Variants in CPLANE1 observed in about 807,000 individuals in gnomAD.
CPLANE1 encodes ciliogenesis and planar polarity effector 1.
Under a neutral mutation model 362.5 loss-of-function variants are expected in CPLANE1, and 263 were observed. That is an observed-to-expected ratio of 0.73 (90% CI 0.66 to 0.80). The LOEUF (loss-of-function observed/expected upper bound fraction) is 0.80. Ranked by LOEUF, CPLANE1 falls within the 30% of genes least tolerant of loss-of-function variation. CPLANE1 has a pLI of 0.00. For synonymous variants in CPLANE1, 1,212 were observed against 1,302.6 expected (o/e 0.93, Z 1.50); for missense variants, 3,461 against 3,793.4 (o/e 0.91, Z 2.30).
At chr5:37,085,188 A>G in the CPLANE1 span, 1 of 823,716 alleles carries the variant, frequency 1.2e-6, no homozygotes, top group South Asian at 1.3e-5. Flanking sequence ...TCTCCCCCTC[A>G]TCATTTTCCT....
intron 44 of CPLANE1, chr5:37,141,246 G>A (rs1769620287): frequency 2.0e-6 from 2 of 985,076 alleles, no homozygotes; most frequent in Non-Finnish European, 2.4e-6. Context: ...ATTCTCCCAT[G>A]TTCCCAAGGA....
rs568787149 is a variant in CPLANE1, at chr5:37,177,808, C to T, written c.5821-108G>A. 118 of 797,672 alleles carry T rather than the reference C, an allele frequency of 1.5e-4. No individual in the cohort carries two copies. In the East Asian group the frequency reaches 2.9e-3, roughly 20 times the overall value. The allele number at this position is 797,672 out of a possible 1,614,324, so 49.4% of individuals were successfully genotyped here. ...GCCACTTAACCAGAGTAACAACAGT[C>T]TACAAGCAAGTGAGAAATCAAACAG... On this transcript the variant is annotated intron_variant, in intron 29 of 52. Transcript: ENST00000651892.
Position 37,157,958 on chromosome 5 carries a change from A to AT in CPLANE1, c.7813-91_7813-90insA, listed in dbSNP as rs779504612. On this transcript the variant is annotated intron_variant, in intron 39 of 52. Coordinates refer to ENST00000651892, the MANE Select transcript of CPLANE1 (RefSeq NM_001384732.1). ...AAAAAAAAAAAAAAAAAAAAAAAAA[A>AT]GGCTTAATTCTTCATTCTTATTAAA... 2.5e-3 allele frequency: 1,914 copies of AT among 762,454 alleles called. 26 individuals carry two copies. The highest frequency in any genetic ancestry group is 5.6e-3 in the Admixed American group (155 of 27,760). 47.2% of individuals were successfully genotyped at this position (762,454 alleles called of 1,614,324 possible).
intron 32 of CPLANE1, among the ~76,000 whole-genome samples, chr5:37,172,406 A>G (rs1780052694): frequency 6.6e-6 from 1 of 152,212 alleles, no homozygotes; most frequent in Non-Finnish European, 1.5e-5. Flanking sequence ...AAAGAAGGCA[A>G]AGATGACTTT....
rs1286291749 is a variant in CPLANE1 at position 37,230,885 on chromosome 5, T to C, written c.1103A>G (p.His368Arg). The C allele has an allele frequency of 2.0e-6, 3 of 1,537,580 alleles. No individual in the cohort carries two copies. The highest frequency in any genetic ancestry group is 2.5e-5 in the East Asian group (1 of 40,508). Residue 368 changes from histidine to arginine, a missense_variant, in exon 9 of 53, where the codon CAT becomes CGT. By Grantham distance (29) the His-to-Arg change is conservative. Transcript: ENST00000651892. ...GTCTCACCTATACGTTATTAGTGGA[T>C]GAAGAGGAATAAATTCTGCTGGGCC... ...EFGPAEFIPL[H>R]PLITYRPQQF... is the part of the protein sequence containing the mutation.
chr5:37,129,764 G>A (rs977202260), intron 46 of CPLANE1, among the ~76,000 whole-genome samples: 3 of 152,310 alleles, frequency 2.0e-5, no homozygotes, highest in Admixed American at 2.0e-4. Context: ...CAGGGATGCG[G>A]TTAAAAGGGA....
intron 11 of CPLANE1, 42 bp downstream of exon 11, chr5:37,227,201 G>C: frequency 6.5e-7 from 1 of 1,538,766 alleles, no homozygotes; most frequent in Non-Finnish European, 8.8e-7. Flanking sequence ...TTGGAATAAA[G>C]TCATAATTGT....
chr5:37,179,227 T>G, intron 29 of CPLANE1, 134 bp downstream of exon 29: 1 of 632,284 alleles, frequency 1.6e-6, no homozygotes, highest in South Asian at 2.2e-5. Context: ...ATGGCTATAT[T>G]CTACAACCCA....
intron 15 of CPLANE1, among the ~76,000 whole-genome samples, chr5:37,217,406 G>T (rs1450414384): frequency 1.3e-5 from 2 of 150,348 alleles, no homozygotes; most frequent in East Asian, 2.0e-4. Context: ...AGGAGTTAGA[G>T]ACCAGCCTGG....
At chr5:37,077,178 TG>T in the CPLANE1 span, among the ~76,000 whole-genome samples, 2 of 152,158 alleles carry the variant, frequency 1.3e-5, no homozygotes, top group African/African-American at 4.8e-5. Context: ...AGGAATTCTT[TG>T]CAGAAGTTTG....
intron 49 of CPLANE1, 40 bp downstream of exon 49, chr5:37,121,577 G>T: frequency 6.3e-7 from 1 of 1,590,830 alleles, no homozygotes; most frequent in Non-Finnish European, 8.6e-7. Context: ...TATCAGGCCT[G>T]ACGTTATCTT....
At chr5:37,154,459 C>CTTT (rs35522666) in intron 41 of CPLANE1, among the ~76,000 whole-genome samples, 12 of 84,566 alleles carry the variant, frequency 1.4e-4, no homozygotes, top group African/African-American at 4.5e-4. Context: ...TGCAATAGTT[C>CTTT]TTTTTTTTTT....
intron 26 of CPLANE1, among the ~76,000 whole-genome samples, chr5:37,181,480 T>C (rs747253087): frequency 9.2e-5 from 14 of 152,096 alleles, no homozygotes; most frequent in Non-Finnish European, 1.9e-4. Context: ...TATCACAGTA[T>C]CATATAAACT....
Position 37,171,782 on chromosome 5 carries a change from C to CTA in CPLANE1, c.6172-1452_6172-1451insTA, listed in dbSNP as rs1554076867. Among the ~76,000 whole-genome samples the CTA allele has an allele frequency of 1.9e-3, 281 of 144,544 alleles. 3 individuals are homozygous for CTA. Among genetic ancestry groups the CTA allele is most frequent in the Non-Finnish European group, 1.9e-3 (127 of 66,910 alleles). The allele number at this position is 144,544 out of a possible 152,430, so 94.8% of individuals were successfully genotyped here. ...TCTCTCTCTCTCTCTCTCTCTCTCTCTCTATCTATCTATTCTATCTAAAAG... is the reference window on the plus strand; with the variant it reads ...TCTCTCTCTCTCTCTCTCTCTCTCTCTATCTATCTATCTATTCTATCTAAAAG... On this transcript the variant is annotated intron_variant, in intron 32 of 52. Transcript: ENST00000651892.
chr5:37,165,811 T>C, intron 35 of CPLANE1, 140 bp from the exon 36 acceptor site: 1 of 778,298 alleles, frequency 1.3e-6, no homozygotes, highest in South Asian at 2.0e-5. Context: ...ATTGGCAAGA[T>C]ATTCTGCAAA....
the CPLANE1 span, among the ~76,000 whole-genome samples, chr5:37,097,173 AC>A: frequency 6.6e-6 from 1 of 152,066 alleles, no homozygotes; most frequent in Non-Finnish European, 1.5e-5. Context: ...ACATAGCAAG[AC>A]CCCATCTCGT....
chr5:37,087,360 C>G, the CPLANE1 span, among the ~76,000 whole-genome samples: 1 of 152,200 alleles, frequency 6.6e-6, no homozygotes, highest in African/African-American at 2.4e-5. Flanking sequence ...CCTTTTCCCT[C>G]AGCCCCACCA....
Position 37,226,607 on chromosome 5 carries a change from A to G in CPLANE1, c.1988T>C (p.Leu663Pro). The G allele has an allele frequency of 6.4e-7, 1 of 1,551,488 alleles. No individual in the cohort carries two copies. The highest frequency in any genetic ancestry group is 1.4e-5 in the African/African-American group (1 of 73,186). ...YKQDVGHLIK[L>P]TSNTVKLLLT... ...CAAAAGTTTTACAGTATTTGAGGTCAGCTTTATCAAATGCCCCACATCTTG... is the reference window on the plus strand; with the variant it reads ...CAAAAGTTTTACAGTATTTGAGGTCGGCTTTATCAAATGCCCCACATCTTG... The change falls in exon 12 of 53, where the codon CTG (leucine) becomes CCG (proline). Residue 663 changes from leucine to proline, a missense_variant. Physicochemically the swap from Leu to Pro is moderately conservative, Grantham distance 98 (BLOSUM62 -3). Around this residue, in one of 2 missense-constraint regions of CPLANE1, gnomAD observed 3,380 missense variants for 3,666.1 expected, o/e 0.92. Coordinates refer to ENST00000651892, the MANE Select transcript of CPLANE1 (RefSeq NM_001384732.1).
rs369518590 is a variant in CPLANE1, at chr5:37,120,244, C to T, written c.9282G>A (p.Gly3094=). 8 of 1,603,516 alleles carry T rather than the reference C, an allele frequency of 5.0e-6. No individual in the cohort carries two copies. Among genetic ancestry groups the T allele is most frequent in the Middle Eastern group, 1.6e-4 (1 of 6,062 alleles). The change falls in exon 50 of 53, where the codon GGG becomes GGA. Residue 3094 remains glycine (G), a synonymous_variant. Transcript: ENST00000651892. ...GTGGCCAAGGTGAGCCTTGAGGTTG[C>T]CCAAAAGACTTCCTCTTATGGATAT... ...PSYIHKRKSF[G]QPQGSPWPHG... is the part of the protein sequence containing the mutation.
Sources: gnomAD v4.1 joint callset for allele counts (sites outside exome capture counted in the v4.1 genomes callset) on GRCh38, gnomAD v4.1.1 for gene constraint, gnomAD v4.1.1 regional missense constraint, MANE v1.5 for transcripts, NCBI Gene and HGNC (gene_info 2026-07-23, HGNC 2026-07-21) for gene names.